Variants in EHBP1L1 observed in about 807,000 individuals in gnomAD.
The protein encoded by EHBP1L1 is EH domain binding protein 1 like 1, also known as EH domain-binding protein 1-like protein 1.
A neutral mutation model predicts 151.1 loss-of-function variants in EHBP1L1; 122 were observed. That is an observed-to-expected ratio of 0.81 (90% CI 0.70 to 0.94). EHBP1L1 has a LOEUF of 0.94. EHBP1L1 is among the 40% of genes least tolerant of loss of function. The pLI is 0.00. For missense variants in EHBP1L1, 1,941 were observed against 1,959.8 expected (o/e 0.99, Z 0.18); for synonymous variants, 878 against 810.1 (o/e 1.08, Z -1.42).
chr11:65,589,816 C>A lies in EHBP1L1; in HGVS notation c.3999C>A (p.Pro1333=). 1 of 1,563,480 alleles carries A rather than the reference C, an allele frequency of 6.4e-7. No homozygotes were observed. The change falls in exon 13 of 19, where the codon CCC becomes CCA. Residue 1333 remains proline (P), a synonymous_variant. Transcript: ENST00000309295. ...GPPTAADSQQ[P]PGGSSPSEEP... ...CCACAGCTGCAGACTCTCAACAGCC[C>A]CCTGGTGAGTAGCAGGAGTGGTGAC...
intron 9 of EHBP1L1, 29 bp from the exon 10 acceptor site, chr11:65,584,212 A>T (rs1857805047): frequency 1.3e-6 from 2 of 1,595,450 alleles, no homozygotes; most frequent in African/African-American, 2.7e-5. Flanking sequence ...CCATTTATAC[A>T]TTCCCTAAGC....
In EHBP1L1 at chr11:65,592,017, C is replaced by G; in HGVS notation, c.4399C>G (p.Leu1467Val). The G allele has an allele frequency of 6.2e-7, 1 of 1,613,452 alleles. No homozygotes were observed. The change falls in exon 18 of 19, where the codon CTA becomes GTA. Residue 1467 changes from leucine to valine, a missense_variant. Leu to Val is a conservative substitution (Grantham distance 32, BLOSUM62 1). Coordinates refer to ENST00000309295, the MANE Select transcript of EHBP1L1 (RefSeq NM_001099409.3). ...CGCTCAGCAGCACCGAGAGCAGCTC[C>G]TACTGGAGGAGCTGGTGTCGCTGGT... ...TSAQQHREQL[L>V]LEELVSLVNQ...
At chr11:65,579,232 G>C in intron 2 of EHBP1L1, 97 bp downstream of exon 2, 3 of 1,515,302 alleles carry the variant, frequency 2.0e-6, no homozygotes, top group Non-Finnish European at 2.7e-6. Context: ...TTCAAGCACA[G>C]ATCAGAATCC....
chr11:65,590,375 C>A, intron 15 of EHBP1L1, 118 bp from the exon 16 acceptor site: 1 of 1,494,980 alleles, frequency 6.7e-7, no homozygotes, highest in Admixed American at 2.0e-5. Context: ...TTCCTCGAGG[C>A]ACACAGTTCT....
intron 11 of EHBP1L1, 164 bp downstream of exon 11, chr11:65,584,698 G>A (rs1857839613): frequency 1.8e-6 from 2 of 1,130,054 alleles, no homozygotes; most frequent in African/African-American, 1.6e-5. Flanking sequence ...CCTTATTTTC[G>A]TTTGTTTGTT....
In EHBP1L1 at chr11:65,581,871, G is replaced by A. The variant is rs779345399; in HGVS notation, c.1199G>A (p.Gly400Asp). The A allele has an allele frequency of 1.9e-6, 3 of 1,613,606 alleles. No homozygotes were observed. The South Asian group carries it at 3.3e-5, about 18-fold the overall frequency. Residue 400 changes from glycine to aspartate, a missense_variant, in exon 9 of 19, where the codon GGC becomes GAC. Coordinates refer to ENST00000309295, the MANE Select transcript of EHBP1L1 (RefSeq NM_001099409.3). ...SGVDTEPRSG[G>D]REANTKRSGV... Reference sequence around the variant, plus strand: ...GTGGACACTGAGCCAAGGTCAGGAGGCAGAGAGGCAAACACTAAGAGGTCA... The same window carrying A: ...GTGGACACTGAGCCAAGGTCAGGAGACAGAGAGGCAAACACTAAGAGGTCA...
At chr11:65,577,403 C>G (rs1392032932) in intron 1 of EHBP1L1, among the ~76,000 whole-genome samples, 3 of 152,236 alleles carry the variant, frequency 2.0e-5, no homozygotes, top group African/African-American at 7.2e-5. Context: ...TCACATCTTT[C>G]AGCAGAGCCT....
rs1858199441 is a variant in EHBP1L1 at position 65,590,239 on chromosome 11, C to G, written c.4183+29C>G. ...GGGCATACATCTAGGGATCCCTTCC[C>G]CAACACATGCCACTAGGTCTGTCCA... is the stretch of plus-strand genomic sequence containing the variant. On this transcript the variant is annotated intron_variant, in intron 15 of 18. Coordinates refer to ENST00000309295, the MANE Select transcript of EHBP1L1 (RefSeq NM_001099409.3). The G allele has an allele frequency of 2.5e-6, 4 of 1,609,424 alleles. No homozygotes were observed. In the East Asian group the frequency reaches 8.9e-5, roughly 36 times the overall value.
rs777416642 is a variant in EHBP1L1, at chr11:65,585,566, C to G, written c.3908C>G (p.Ala1303Gly). 1.3e-6 allele frequency: 2 copies of G among 1,581,468 alleles called. No individual in the cohort carries two copies. The highest frequency in any genetic ancestry group is 1.7e-6 in the Non-Finnish European group (2 of 1,171,302). Residue 1303 changes from alanine to glycine, a missense_variant, in exon 12 of 19, where the codon GCG becomes GGG. Ala to Gly is a moderately conservative substitution (Grantham distance 60). Transcript: ENST00000309295. The surrounding 1 kb of genome is among the most constrained non-coding windows in gnomAD (Gnocchi z 4.0). ...SSSFSMDDPD[A>G]GAMGAAAAEG... ...TCGTTCTCGATGGACGATCCGGACG[C>G]GGGAGCCATGGGAGCTGCGGCTGCA...
rs1292085110 is a variant in EHBP1L1 at position 65,592,274 on chromosome 11, G to A, written c.4544G>A (p.Ser1515Asn). Residue 1515 changes from serine to asparagine, a missense_variant, in exon 19 of 19, where the codon AGC becomes AAC. Physicochemically the swap from Ser to Asn is conservative, Grantham distance 46. Transcript: ENST00000309295. ...QRRRKLSRQL[S>N]RRERCVLS is the part of the protein sequence containing the mutation. ...CGCCGCAAGCTGAGCCGGCAGTTGA[G>A]CCGGCGGGAGCGCTGCGTGCTGAGC... The A allele has an allele frequency of 6.5e-7, 1 of 1,530,698 alleles. No individual in the cohort carries two copies. The highest frequency in any genetic ancestry group is 2.0e-5 in the Admixed American group (1 of 50,756). The allele number at this position is 1,530,698 out of a possible 1,614,324, so 94.8% of individuals were successfully genotyped here. A position where few individuals can be genotyped will look rare whatever the true frequency, so the allele number is the denominator to read the frequency against.
At position 65,583,875 on chromosome 11, in the gene EHBP1L1, G is replaced by T. The variant is rs566870486; in HGVS notation, c.3093+110G>T. 6.3e-6 allele frequency: 9 copies of T among 1,424,200 alleles called. No homozygotes were observed. In the African/African-American group the frequency reaches 1.2e-4, roughly 18 times the overall value. 88.2% of individuals were successfully genotyped at this position (1,424,200 alleles called of 1,614,324 possible). A position where few individuals can be genotyped will look rare whatever the true frequency, so the allele number is the denominator to read the frequency against. On this transcript the variant is annotated intron_variant, in intron 9 of 18. Transcript: ENST00000309295. ...CTGGTGGAATGGGATCGGGTGGGGT[G>T]GGGGGCTCAGCTTGAAGGAGCCCCC...
chr11:65,582,868 G>A lies in EHBP1L1; in HGVS notation c.2196G>A (p.Arg732=). The part of the protein sequence containing the change: ...KILGTQEITA[R]DSGVREIEAE... ...TAGGGACCCAGGAGATAACAGCTAG[G>A]GATTCAGGGGTCAGAGAGATAGAAG... The change falls in exon 9 of 19, where the codon AGG becomes AGA. Residue 732 remains arginine, a synonymous_variant. Transcript: ENST00000309295. 1 of 1,613,504 alleles carries A rather than the reference G, an allele frequency of 6.2e-7. No homozygotes were observed. Among genetic ancestry groups the A allele is most frequent in the Non-Finnish European group, 8.5e-7 (1 of 1,179,780 alleles).
In EHBP1L1 at chr11:65,580,129, G is replaced by A; in HGVS notation, c.361G>A (p.Ala121Thr). 1 of 1,613,452 alleles carries A rather than the reference G, an allele frequency of 6.2e-7. No homozygotes were observed. The highest frequency in any genetic ancestry group is 8.5e-7 in the Non-Finnish European group (1 of 1,179,792). ...GCTGGCCACGGCCGAGGTGGACCTG[G>A]CCCGCCATGCAGGGCCCGTGCCTGT... ...KVLATAEVDLARHAGPVPVQV... is the reference protein window; with the variant it reads ...KVLATAEVDLTRHAGPVPVQV... The change falls in exon 5 of 19, where the codon GCC becomes ACC. Residue 121 changes from alanine (A) to threonine (T), a missense_variant. Coordinates refer to ENST00000309295, the MANE Select transcript of EHBP1L1 (RefSeq NM_001099409.3).
In EHBP1L1 at chr11:65,583,179, C is replaced by CT; in HGVS notation, c.2508dup (p.Glu837Ter). ...AGTTCAGGGGTCCCAGGGCTAGAAT[C>CT]TGAGGTAGCTGGGGCCCAGGAGACA... On this transcript the variant is annotated frameshift_variant, in exon 9 of 19. Coordinates refer to ENST00000309295, the MANE Select transcript of EHBP1L1 (RefSeq NM_001099409.3). LOFTEE classifies it high-confidence loss of function. 2 of 1,613,360 alleles carry CT rather than the reference C, an allele frequency of 1.2e-6. No homozygotes were observed.
In EHBP1L1 at chr11:65,592,185, C is replaced by G; in HGVS notation, c.4473-18C>G. 6.3e-7 allele frequency: 1 copy of G among 1,583,918 alleles called. No individual in the cohort carries two copies. Among genetic ancestry groups the G allele is most frequent in the Middle Eastern group, 1.7e-4 (1 of 5,826 alleles). ...GACCCCGCCCAACGGAGCGCTGACT[C>G]GAACCCGTTCTCCCCAGCGCCCTGG... On this transcript the variant is annotated intron_variant, in intron 18 of 18. Coordinates refer to ENST00000309295, the MANE Select transcript of EHBP1L1 (RefSeq NM_001099409.3).
At position 65,581,839 on chromosome 11, in the gene EHBP1L1, C is replaced by CA; in HGVS notation, c.1168dup (p.Ser390LysfsTer6). Reference sequence around the variant, plus strand: ...TGGACACTGAGGACAGGCCAGAGGCCAGTGGGGTGGACACTGAGCCAAGGT... The same window carrying CA: ...TGGACACTGAGGACAGGCCAGAGGCCAAGTGGGGTGGACACTGAGCCAAGGT... On this transcript the variant is annotated frameshift_variant, in exon 9 of 19. Coordinates refer to ENST00000309295, the MANE Select transcript of EHBP1L1 (RefSeq NM_001099409.3). LOFTEE classifies it high-confidence loss of function. 1 of 1,613,624 alleles carries CA rather than the reference C, an allele frequency of 6.2e-7. No individual in the cohort carries two copies. Among genetic ancestry groups the CA allele is most frequent in the Non-Finnish European group, 8.5e-7 (1 of 1,179,780 alleles).
At chr11:65,588,022 G>C (rs1383570168) in intron 12 of EHBP1L1, among the ~76,000 whole-genome samples, 1 of 152,214 alleles carries the variant, frequency 6.6e-6, no homozygotes, top group Non-Finnish European at 1.5e-5. Flanking sequence ...TCTGTATAAG[G>C]GGGAGACATG....
chr11:65,580,627 C>A, intron 6 of EHBP1L1, 148 bp downstream of exon 6: 1 of 1,087,350 alleles, frequency 9.2e-7, no homozygotes, highest in Non-Finnish European at 1.3e-6. Flanking sequence ...CTCAATTGTC[C>A]CAACCTGGCT....
rs746280822 is a variant in EHBP1L1 at position 65,583,353 on chromosome 11, G to C, written c.2681G>C (p.Gly894Ala). The C allele has an allele frequency of 1.2e-6, 2 of 1,613,568 alleles. No individual in the cohort carries two copies. The highest frequency in any genetic ancestry group is 1.7e-6 in the Non-Finnish European group (2 of 1,179,718). The change falls in exon 9 of 19, where the codon GGG (glycine) becomes GCG (alanine). Residue 894 changes from glycine to alanine, a missense_variant. By Grantham distance (60) the Gly-to-Ala change is moderately conservative. Coordinates refer to ENST00000309295, the MANE Select transcript of EHBP1L1 (RefSeq NM_001099409.3). ...GTCCAGGAAGCAGAGACTAGAGTTG[G>C]GAGTGCTCTCAAATATGAGGCTTTA... ...SGVQEAETRV[G>A]SALKYEALRA...
Sources: gnomAD v4.1 joint callset for allele counts (sites outside exome capture counted in the v4.1 genomes callset) on GRCh38, gnomAD v4.1.1 for gene constraint, Gnocchi (gnomAD v3.1) non-coding constraint, MANE v1.5 for transcripts, NCBI Gene and HGNC (gene_info 2026-07-23, HGNC 2026-07-21) for gene names.